Variants in TAFA5 observed in about 807,000 individuals in gnomAD.
TAFA5 encodes TAFA chemokine like family member 5.
Under a neutral mutation model 15.3 loss-of-function variants are expected in TAFA5, and 6 were observed. The ratio of observed to expected loss-of-function variants is 0.39; its 90% CI spans 0.21 to 0.77. TAFA5 has a LOEUF of 0.77. TAFA5 is among the 30% of genes least tolerant of loss of function. The pLI is 0.41. For missense variants in TAFA5, 161 were observed against 193.1 expected (o/e 0.83, Z 0.98); for synonymous variants, 103 against 80.7 (o/e 1.28, Z -1.48).
intron 2 of TAFA5, among the ~76,000 whole-genome samples, chr22:48,705,181 G>C (rs1054774741): frequency 6.6e-6 from 1 of 152,126 alleles, no homozygotes; most frequent in Non-Finnish European, 1.5e-5. Flanking sequence ...GAAAGGGATT[G>C]GGGGTAGCCA....
intron 2 of TAFA5, among the ~76,000 whole-genome samples, chr22:48,662,997 A>G (rs1927498283): frequency 6.6e-6 from 1 of 152,206 alleles, no homozygotes; most frequent in Non-Finnish European, 1.5e-5. Flanking sequence ...TGCCTCCCAC[A>G]GGAGCAGAGC....
chr22:48,676,719 G>A, intron 2 of TAFA5, among the ~76,000 whole-genome samples: 1 of 152,224 alleles, frequency 6.6e-6, no homozygotes, highest in South Asian at 2.1e-4. Context: ...CGGCCGGGGA[G>A]CGGGTATGCA....
intron 1 of TAFA5, among the ~76,000 whole-genome samples, chr22:48,506,060 G>A (rs983307694): frequency 6.6e-6 from 1 of 152,146 alleles, no homozygotes; most frequent in Admixed American, 6.5e-5. Context: ...GTGCACCCCA[G>A]GCCAGCTGAG....
At chr22:48,670,666 G>A (rs891114999) in intron 2 of TAFA5, among the ~76,000 whole-genome samples, 1 of 152,272 alleles carries the variant, frequency 6.6e-6, no homozygotes, top group African/African-American at 2.4e-5. Context: ...ACAGGATTTA[G>A]GAGCGGCTGG....
intron 2 of TAFA5, among the ~76,000 whole-genome samples, chr22:48,681,492 A>AAAC (rs1041556449): frequency 7.1e-6 from 1 of 140,880 alleles, no homozygotes; most frequent in Non-Finnish European, 1.5e-5. Context: ...AAAAAATACA[A>AAAC]AAAAAAAAAA....
chr22:48,605,306 A>G (rs866626970), intron 1 of TAFA5, among the ~76,000 whole-genome samples: 709 of 41,996 alleles, frequency 0.017, 7 homozygotes, highest in African/African-American at 0.048. Flanking sequence ...GGTGATGGTG[A>G]TGATGGTGGT....
intron 2 of TAFA5, chr22:48,693,366 C>G: frequency 6.2e-7 from 1 of 1,612,616 alleles, no homozygotes; most frequent in Non-Finnish European, 8.5e-7. Flanking sequence ...AATGTACCAC[C>G]ACCGGGAATG....
rs1921940708 is a variant in TAFA5, at chr22:48,530,678, A to T, written c.112+40974A>T. On this transcript the variant is annotated intron_variant, in intron 1 of 3. Coordinates refer to ENST00000402357, the MANE Select transcript of TAFA5 (RefSeq NM_001082967.3). This position sits in a 1 kb window ranked among gnomAD's most constrained non-coding sequence, Gnocchi z 6.0. ...AATGGGCTCCCGTCTTTCCTGTCCA[A>T]CTGTCCATGTCACATGGGACCTGCT... is the stretch of plus-strand genomic sequence containing the variant. Among the ~76,000 whole-genome samples the T allele has an allele frequency of 6.6e-6, 1 of 151,772 alleles. No homozygotes were observed. The highest frequency in any genetic ancestry group is 2.1e-4 in the South Asian group (1 of 4,800).
intron 1 of TAFA5, among the ~76,000 whole-genome samples, chr22:48,510,422 A>T (rs903536092): frequency 9.9e-5 from 15 of 152,258 alleles, no homozygotes; most frequent in Non-Finnish European, 2.2e-4. Flanking sequence ...AGACATCCAG[A>T]TGTTCACCAT....
intron 1 of TAFA5, among the ~76,000 whole-genome samples, chr22:48,522,403 C>A (rs1056748353): frequency 2.6e-5 from 4 of 152,116 alleles, no homozygotes; most frequent in Non-Finnish European, 5.9e-5. Flanking sequence ...CACCTCCCAT[C>A]CACTGGCACC....
At chr22:48,685,125 G>T (rs943285848) in intron 2 of TAFA5, among the ~76,000 whole-genome samples, 1 of 152,210 alleles carries the variant, frequency 6.6e-6, no homozygotes, top group Non-Finnish European at 1.5e-5. Flanking sequence ...GGGCTTCCAG[G>T]TCATAGGTGG....
At position 48,742,590 on chromosome 22, in the gene TAFA5, C is replaced by T. The variant is rs956553276; in HGVS notation, c.391-7249C>T. Among the ~76,000 whole-genome samples, 13 of 151,696 alleles carry T rather than the reference C, an allele frequency of 8.6e-5. No homozygotes were observed. Among genetic ancestry groups the T allele is most frequent in the Non-Finnish European group, 1.5e-4 (10 of 67,942 alleles). ...TGGTAGACTGGGCAGCGTGATGGAC[C>T]AGGCGACATGGTGGACCGGGCCGCA... is the stretch of plus-strand genomic sequence containing the variant. On this transcript the variant is annotated intron_variant, in intron 3 of 3. Coordinates refer to ENST00000402357, the MANE Select transcript of TAFA5 (RefSeq NM_001082967.3). The surrounding 1 kb of genome is among the most constrained non-coding windows in gnomAD (Gnocchi z 6.2).
intron 1 of TAFA5, among the ~76,000 whole-genome samples, chr22:48,502,520 ATT>A (rs71677503): frequency 0.016 from 2,030 of 130,668 alleles, 31 homozygotes; most frequent in East Asian, 0.05. Context: ...TCTCTTTGGA[ATT>A]TTTTTTTTTT....
intron 3 of TAFA5, among the ~76,000 whole-genome samples, chr22:48,721,703 C>T (rs1340482617): frequency 6.6e-6 from 1 of 152,228 alleles, no homozygotes; most frequent in Non-Finnish European, 1.5e-5. Context: ...GGCACAGTGG[C>T]TCACGCCTGT....
intron 1 of TAFA5, among the ~76,000 whole-genome samples, chr22:48,567,292 C>G (rs773018644): frequency 6.6e-6 from 1 of 152,230 alleles, no homozygotes; most frequent in Non-Finnish European, 1.5e-5. Context: ...GCTGGGAGGG[C>G]CCTCGTGTGT....
rs1387149572 is a variant in TAFA5 at position 48,674,899 on chromosome 22, G to C, written c.262+28153G>C. 2.6e-5 allele frequency among the ~76,000 whole-genome samples: 4 copies of C among 151,894 alleles called. No homozygotes were observed. In the East Asian group the frequency reaches 7.7e-4, roughly 29 times the overall value. On this transcript the variant is annotated intron_variant, in intron 2 of 3. Transcript: ENST00000402357. ...CAGTGACAGAGACGAGGCTGAGATAGAGACTGCGTAGCCACAGAGGCCAAA... is the reference window on the plus strand; with the variant it reads ...CAGTGACAGAGACGAGGCTGAGATACAGACTGCGTAGCCACAGAGGCCAAA...
intron 1 of TAFA5, among the ~76,000 whole-genome samples, chr22:48,515,528 C>G (rs769315527): frequency 6.6e-6 from 1 of 152,152 alleles, no homozygotes; most frequent in Non-Finnish European, 1.5e-5. Context: ...TTCCCCTTCT[C>G]CAGTTCCTCT....
In TAFA5 at chr22:48,508,057, G is replaced by A. The variant is rs185048518; in HGVS notation, c.112+18353G>A. Among the ~76,000 whole-genome samples, 739 of 152,256 alleles carry A rather than the reference G, an allele frequency of 4.9e-3. 3 individuals carry two copies. The highest frequency in any genetic ancestry group is 8.5e-3 in the Non-Finnish European group (581 of 68,006). On this transcript the variant is annotated intron_variant, in intron 1 of 3. Transcript: ENST00000402357. ...GAACTGTCACTCGGCCCCTAGAGCCGCCCGCTTGCAGAGAGGGGTTGCTGG... is the reference window on the plus strand; with the variant it reads ...GAACTGTCACTCGGCCCCTAGAGCCACCCGCTTGCAGAGAGGGGTTGCTGG...
intron 3 of TAFA5, among the ~76,000 whole-genome samples, chr22:48,717,719 C>G (rs760780243): frequency 2.0e-5 from 3 of 152,226 alleles, no homozygotes; most frequent in Non-Finnish European, 2.9e-5. Context: ...GACCACAGAG[C>G]AGGCATGGCC....
Sources: allele counts gnomAD v4.1 joint callset (sites outside exome capture counted in the v4.1 genomes callset), GRCh38; gene constraint gnomAD v4.1.1; non-coding constraint Gnocchi (gnomAD v3.1); transcripts MANE v1.5; gene names NCBI Gene and HGNC (gene_info 2026-07-23, HGNC 2026-07-21).